The following PAM variants were observed in gnomAD, a reference collection of about 807,000 sequenced individuals.
The protein encoded by PAM is peptidyl-glycine alpha-amidating monooxygenase.
PAM carries 72 observed loss-of-function variants against 122.1 expected under a neutral mutation model. The observed-to-expected ratio is 0.59, with a 90% CI of 0.49 to 0.72. The LOEUF (loss-of-function observed/expected upper bound fraction) is 0.72. Ranked by LOEUF, PAM falls within the 30% of genes least tolerant of loss-of-function variation. PAM has a pLI of 0.00. For synonymous variants in PAM, 389 were observed against 404.4 expected, an observed-to-expected ratio of 0.96 and a Z score of 0.46; for missense variants, 1,106 against 1,183.7, an observed-to-expected ratio of 0.93 and a Z score of 0.96.
intron 1 of PAM, among the ~76,000 whole-genome samples, chr5:102,864,184 A>ATATATATT (rs1472850333): frequency 2.2e-5 from 3 of 133,696 alleles, no homozygotes; most frequent in African/African-American, 8.6e-5. Context: ...ATATATATAT[A>ATATATATT]TTTTTTTTTT....
At chr5:102,987,472 C>A in intron 15 of PAM, 1 of 437,970 alleles carries the variant, frequency 2.3e-6, no homozygotes, top group South Asian at 1.7e-5. Flanking sequence ...GATAGCACAG[C>A]AGGGTAAATA....
At chr5:102,942,724 C>G (rs2151913572) in intron 7 of PAM, among the ~76,000 whole-genome samples, 1 of 143,986 alleles carries the variant, frequency 6.9e-6, no homozygotes, top group South Asian at 2.2e-4. Context: ...CACACGCCAG[C>G]ATGCCCGGCT....
intron 12 of PAM, among the ~76,000 whole-genome samples, chr5:102,953,634 A>G (rs1258528027): frequency 6.6e-6 from 1 of 152,214 alleles, no homozygotes. Context: ...TTTGAGATCT[A>G]TTGCACAGAA....
Position 102,806,918 on chromosome 5 carries a change from T to C in PAM, c.-374+51570T>C, listed in dbSNP as rs1172663962. On this transcript the variant is annotated intron_variant, in intron 1 of 25. Transcript: ENST00000438793. ...TTTACTATTTTTGTAAGCAGTATTA[T>C]TGTTATACGTTTGCGCACTATTTAC... is the stretch of plus-strand genomic sequence containing the variant. Among the ~76,000 whole-genome samples, 6 of 152,240 alleles carry C rather than the reference T, an allele frequency of 3.9e-5. No homozygotes were observed. In the East Asian group the frequency reaches 1.2e-3, roughly 29 times the overall value.
intron 1 of PAM, among the ~76,000 whole-genome samples, chr5:102,812,315 A>G (rs1357250608): frequency 6.6e-6 from 1 of 152,148 alleles, no homozygotes; most frequent in Non-Finnish European, 1.5e-5. Flanking sequence ...ATGATAGCAC[A>G]TGGGTCCATC....
At chr5:102,933,077 G>A (rs1752126104) in intron 7 of PAM, among the ~76,000 whole-genome samples, 3 of 152,146 alleles carry the variant, frequency 2.0e-5, no homozygotes, top group African/African-American at 2.4e-5. Context: ...AATAATAACC[G>A]TAATAATGCG....
chr5:102,884,147 C>T (rs1267955281), intron 3 of PAM, among the ~76,000 whole-genome samples: 4 of 151,652 alleles, frequency 2.6e-5, no homozygotes, highest in African/African-American at 7.3e-5. Context: ...ACACTGGTTC[C>T]CTTGGCGAGG....
chr5:102,945,802 G>C (rs941342740), intron 7 of PAM, among the ~76,000 whole-genome samples: 2 of 152,034 alleles, frequency 1.3e-5, no homozygotes, highest in Non-Finnish European at 2.9e-5. Flanking sequence ...TTCATTTTAT[G>C]TAGTAAAATA....
At chr5:102,821,492 A>G (rs575888725) in intron 1 of PAM, among the ~76,000 whole-genome samples, 6 of 152,218 alleles carry the variant, frequency 3.9e-5, no homozygotes, top group African/African-American at 1.4e-4. Flanking sequence ...TATATAGTTT[A>G]CATTTACAAA....
intron 1 of PAM, among the ~76,000 whole-genome samples, chr5:102,792,036 T>G (rs1467353221): frequency 2.6e-5 from 4 of 152,188 alleles, no homozygotes; most frequent in African/African-American, 7.2e-5. Context: ...GGACTATTGC[T>G]CAGATTTGTG....
chr5:102,800,859 A>G (rs1307927102), intron 1 of PAM, among the ~76,000 whole-genome samples: 1 of 152,100 alleles, frequency 6.6e-6, no homozygotes, highest in Non-Finnish European at 1.5e-5. Flanking sequence ...TGTAATTAAT[A>G]TTTTACAGGA....
At chr5:102,948,885 GA>G in intron 9 of PAM, among the ~76,000 whole-genome samples, 1 of 152,122 alleles carries the variant, frequency 6.6e-6, no homozygotes, top group South Asian at 2.1e-4. Context: ...GCAAAATGGG[GA>G]TGATAATAGC....
intron 3 of PAM, among the ~76,000 whole-genome samples, chr5:102,894,405 T>C (rs1486147149): frequency 1.3e-5 from 2 of 151,698 alleles, no homozygotes; most frequent in East Asian, 3.9e-4. Context: ...AACTTCTCTT[T>C]CTTTGTCTTC....
At chr5:102,848,277 A>G (rs1381105495) in intron 1 of PAM, among the ~76,000 whole-genome samples, 2 of 152,054 alleles carry the variant, frequency 1.3e-5, no homozygotes, top group Non-Finnish European at 2.9e-5. Flanking sequence ...ATTTTGGGGA[A>G]TCTTGTGAAT....
chr5:102,961,821 C>T (rs1045268455), intron 14 of PAM, among the ~76,000 whole-genome samples: 5 of 151,962 alleles, frequency 3.3e-5, no homozygotes, highest in Non-Finnish European at 5.9e-5. Context: ...ATGTCATATA[C>T]TGCATGTGCT....
intron 15 of PAM, among the ~76,000 whole-genome samples, chr5:102,988,840 A>G (rs1773047560): frequency 6.6e-6 from 1 of 152,150 alleles, no homozygotes; most frequent in Non-Finnish European, 1.5e-5. Context: ...AAAGTTTAAA[A>G]TATTTTGGGT....
intron 14 of PAM, among the ~76,000 whole-genome samples, chr5:102,973,772 TTGA>T (rs1766658974): frequency 6.6e-6 from 1 of 152,056 alleles, no homozygotes; most frequent in Non-Finnish European, 1.5e-5. Context: ...AATGTAGCTA[TTGA>T]TGATATTTTA....
chr5:102,921,999 T>G (rs1747601235), intron 5 of PAM, among the ~76,000 whole-genome samples: 1 of 152,302 alleles, frequency 6.6e-6, no homozygotes, highest in South Asian at 2.1e-4. Flanking sequence ...AATTCAAATT[T>G]ATTGGTGTTT....
chr5:102,873,831 T>C (rs1447936147), intron 3 of PAM: 1 of 152,214 alleles, frequency 6.6e-6, no homozygotes, highest in Non-Finnish European at 1.5e-5. Flanking sequence ...AAAATGAATA[T>C]GAGTCGTGGC....
Sources: gnomAD v4.1 joint callset for allele counts (sites outside exome capture counted in the v4.1 genomes callset) on GRCh38, gnomAD v4.1.1 for gene constraint, MANE v1.5 for transcripts, NCBI Gene and HGNC (gene_info 2026-07-23, HGNC 2026-07-21) for gene names.